Variants in NXF3 observed in about 807,000 individuals in gnomAD.
NXF3 encodes the protein nuclear RNA export factor 3.
In NXF3, 34 loss-of-function variants were observed where a neutral mutation model predicts 48.4. The observed-to-expected ratio is 0.70, with a 90% confidence interval of 0.53 to 0.93. The LOEUF (loss-of-function observed/expected upper bound fraction) is 0.93. NXF3 is among the 40% of genes least tolerant of loss of function. NXF3 has a pLI of 0.00. For missense variants in NXF3, 359 were observed against 406.1 expected (o/e 0.88, Z 1.00); for synonymous variants, 132 against 145.7 (o/e 0.91, Z 0.68).
chrX:103,079,287 T>C, intron 15 of NXF3, 24 bp from the exon 16 acceptor site: 1 of 1,210,901 alleles, frequency 8.3e-7, no homozygotes, highest in South Asian at 1.8e-5. Context: ...TCTCAGGTGC[T>C]CAGGATCCCC....
chrX:103,088,319 G>A (rs1922202469), intron 1 of NXF3: 16 of 538,837 alleles, frequency 3.0e-5, no homozygotes, highest in Non-Finnish European at 5.1e-5. Flanking sequence ...GGTGAGCCGT[G>A]CTCTGAACAA....
intron 3 of NXF3, among the ~76,000 whole-genome samples, chrX:103,083,915 CA>C (rs1368824811): frequency 9.0e-6 from 1 of 111,359 alleles, no homozygotes; most frequent in Non-Finnish European, 1.9e-5. Flanking sequence ...TCTTACTATT[CA>C]AATAGTTTTC....
chrX:103,077,488 G>A (rs1478137976), intron 18 of NXF3, 126 bp downstream of exon 18: 2 of 732,384 alleles, frequency 2.7e-6, no homozygotes, highest in Admixed American at 2.8e-5. Context: ...TCCTGACCTC[G>A]TGATTCGCCC....
chrX:103,084,897 C>T lies in NXF3; in HGVS notation c.29-14G>A. 8.4e-7 allele frequency: 1 copy of T among 1,195,261 alleles called. No individual in the cohort carries two copies. The highest frequency in any genetic ancestry group is 1.1e-6 in the Non-Finnish European group (1 of 881,986). ...GATCAGTGTGACCTTAAATTAAGAA[C>T]AGCACATCAACACTTAGAATACCAG... On this transcript the variant is annotated splice_polypyrimidine_tract_variant and intron_variant, in intron 1 of 19. Coordinates refer to ENST00000395065, the MANE Select transcript of NXF3 (RefSeq NM_022052.2).
Position 103,077,746 on chromosome X carries a change from A to G in NXF3, c.1452T>C (p.Ser484=). 1 of 1,210,252 alleles carries G rather than the reference A, an allele frequency of 8.3e-7. No individual in the cohort carries two copies. The highest frequency in any genetic ancestry group is 1.1e-6 in the Non-Finnish European group (1 of 894,657). Residue 484 remains serine (S), a splice_region_variant and synonymous_variant, in exon 18 of 20, where the codon AGT becomes AGC. Coordinates refer to ENST00000395065, the MANE Select transcript of NXF3 (RefSeq NM_022052.2). ...AGAGCTTGTCATTCACGATGCACAGACTGGAGGAAAAATGGGCCATCAGGT... is the reference window on the plus strand; with the variant it reads ...AGAGCTTGTCATTCACGATGCACAGGCTGGAGGAAAAATGGGCCATCAGGT... ...TFIATPGSSS[S]LCIVNDKLFV...
chrX:103,088,761 A>T, intron 1 of NXF3: 1 of 1,096,260 alleles, frequency 9.1e-7, no homozygotes, highest in South Asian at 2.1e-5. Flanking sequence ...TCACTTAAAA[A>T]GACATGAACA....
chrX:103,092,180 GATTGGCTGGCTAACTTAGTAGAATTA>G (rs1311544446), intron 1 of NXF3, among the ~76,000 whole-genome samples: 4 of 109,636 alleles, frequency 3.6e-5, no homozygotes, highest in African/African-American at 6.6e-5. Context: ...GACATAGTTT[GATTGGCTGGCTAACTTAGTAGAATTA>G]ATTGGCTGGC....
chrX:103,079,642 C>T lies in NXF3; in HGVS notation c.1161G>A (p.Pro387=). The part of the protein sequence containing the change: ...SIPFNPEDSA[P]SSFCKFFKDS... ...CCTTGAAGAACTTGCAGAAGCTGCT[C>T]CTAGAAGAAAAAGAGGAGCAGGAGT... The change falls in exon 14 of 20, where the codon CCG becomes CCA. Residue 387 remains proline (P), a splice_region_variant and synonymous_variant. Coordinates refer to ENST00000395065, the MANE Select transcript of NXF3 (RefSeq NM_022052.2). The T allele has an allele frequency of 8.3e-7, 1 of 1,210,272 alleles. No homozygotes were observed. The highest frequency in any genetic ancestry group is 1.1e-6 in the Non-Finnish European group (1 of 894,419).
At chrX:103,080,846 G>C (rs1921990687) in intron 9 of NXF3, 1 of 416,862 alleles carries the variant, frequency 2.4e-6, no homozygotes, top group Non-Finnish European at 4.3e-6. Context: ...TCTGCAGGGA[G>C]TAGGAAATGG....
At chrX:103,088,579 T>C in intron 1 of NXF3, 1 of 1,067,008 alleles carries the variant, frequency 9.4e-7, no homozygotes, top group South Asian at 2.0e-5. Context: ...TACTTCAGTG[T>C]GGTTTTTCAG....
In NXF3 at chrX:103,083,387, TTGACACAC is replaced by T; in HGVS notation, c.540+3_540+10del. ...CTCGATGCTAGCCCTGGTCATTCAT[TTGACACAC>T]ACCTTTTCATTATCCTCATCCCAAA... On this transcript the variant is annotated splice_donor_5th_base_variant and intron_variant, in intron 5 of 19. Transcript: ENST00000395065. The T allele has an allele frequency of 8.4e-7, 1 of 1,195,980 alleles. No homozygotes were observed. Among genetic ancestry groups the T allele is most frequent in the Non-Finnish European group, 1.1e-6 (1 of 881,233 alleles).
At position 103,076,012 on chromosome X, in the gene NXF3, A is replaced by C. The variant is rs1395963420; in HGVS notation, c.*50-12T>G. ...ACAGGGAAATACATCTATTGGAACA[A>C]AAATACAGGGAAGATGATGAGGCTG... On this transcript the variant is annotated splice_polypyrimidine_tract_variant and intron_variant, in intron 19 of 19. Coordinates refer to ENST00000395065, the MANE Select transcript of NXF3 (RefSeq NM_022052.2). 4 of 360,343 alleles carry C rather than the reference A, an allele frequency of 1.1e-5. No homozygotes were observed. The East Asian group carries it at 1.7e-4, about 15-fold the overall frequency. 29.7% of individuals were successfully genotyped at this position (360,343 alleles called of 1,213,427 possible). A position where few individuals can be genotyped will look rare whatever the true frequency, so the allele number is the denominator to read the frequency against.
chrX:103,087,729 T>C, intron 1 of NXF3: 3 of 1,005,456 alleles, frequency 3.0e-6, no homozygotes, highest in South Asian at 3.9e-5. Flanking sequence ...GATAGGCATG[T>C]ACTTATTCAT....
intron 8 of NXF3, among the ~76,000 whole-genome samples, 179 bp from the exon 9 acceptor site, chrX:103,082,543 C>G (rs569694362): frequency 8.9e-6 from 1 of 111,838 alleles, no homozygotes; most frequent in South Asian, 3.8e-4. Flanking sequence ...TTTTATTTTT[C>G]AAGAAATTCA....
intron 1 of NXF3, chrX:103,087,661 A>G: frequency 9.8e-7 from 1 of 1,020,366 alleles, no homozygotes; most frequent in Non-Finnish European, 1.4e-6. Flanking sequence ...TGAAGAGAAG[A>G]AAGAATATTC....
chrX:103,089,029 CT>C, intron 1 of NXF3: 1 of 1,148,595 alleles, frequency 8.7e-7, no homozygotes, highest in Non-Finnish European at 1.2e-6. Context: ...CAAAGCCATC[CT>C]TTTTGCAGTT....
intron 18 of NXF3, among the ~76,000 whole-genome samples, chrX:103,077,123 G>A (rs1434733320): frequency 1.8e-5 from 2 of 110,777 alleles, no homozygotes; most frequent in African/African-American, 6.6e-5. Flanking sequence ...GAAATGTACA[G>A]TATGATACTG....
chrX:103,091,981 T>C (rs1861379477), intron 1 of NXF3, among the ~76,000 whole-genome samples: 1 of 29,500 alleles, frequency 3.4e-5, no homozygotes, highest in Non-Finnish European at 5.2e-5. Context: ...CAAGACTCCA[T>C]CACAAAAAAA....
chrX:103,088,403 G>T, intron 1 of NXF3: 2 of 588,998 alleles, frequency 3.4e-6, no homozygotes, highest in South Asian at 2.5e-5. Flanking sequence ...AAAAAACATT[G>T]ACTTTGCGAT....
Sources: allele counts gnomAD v4.1 joint callset (sites outside exome capture counted in the v4.1 genomes callset), GRCh38; gene constraint gnomAD v4.1.1; transcripts MANE v1.5; gene names NCBI Gene and HGNC (gene_info 2026-07-23, HGNC 2026-07-21).